The following OVCH1 variants were observed in gnomAD, a reference collection of about 807,000 sequenced individuals.
OVCH1 encodes the protein ovochymase-1.
OVCH1 carries 139 observed loss-of-function variants against 138.4 expected under a neutral mutation model. The ratio of observed to expected loss-of-function variants is 1.00; its 90% CI spans 0.87 to 1.16. The LOEUF (loss-of-function observed/expected upper bound fraction) is 1.16, where lower values mean the gene tolerates loss of function less well. Ranked by LOEUF, OVCH1 falls within the 50% of genes most tolerant of loss-of-function variation. OVCH1 has a pLI of 0.00. For synonymous variants in OVCH1, 453 were observed against 467.8 expected, an observed-to-expected ratio of 0.97 and a Z score of 0.41; for missense variants, 1,367 against 1,357.9, an observed-to-expected ratio of 1.01 and a Z score of -0.11.
At chr12:29,428,171 C>T (rs2135895708) in intron 27 of OVCH1, among the ~76,000 whole-genome samples, 1 of 152,266 alleles carries the variant, frequency 6.6e-6, no homozygotes, top group Non-Finnish European at 1.5e-5. Flanking sequence ...AAATACCACT[C>T]TCCTCCCTCT....
At chr12:29,435,452 C>T (rs556319566) in intron 26 of OVCH1, among the ~76,000 whole-genome samples, 2 of 152,264 alleles carry the variant, frequency 1.3e-5, no homozygotes, top group East Asian at 3.9e-4. Context: ...CCACAAGCTC[C>T]TCCTTCTGGG....
intron 23 of OVCH1, among the ~76,000 whole-genome samples, chr12:29,444,853 ACTTACT>A (rs1278303132): frequency 6.6e-6 from 1 of 152,134 alleles, no homozygotes; most frequent in Non-Finnish European, 1.5e-5. Context: ...TGTTTTCAAA[ACTTACT>A]CTAATCTTTT....
chr12:29,403,206 A>C, the OVCH1 span, among the ~76,000 whole-genome samples: 1 of 152,148 alleles, frequency 6.6e-6, no homozygotes, highest in South Asian at 2.1e-4. Context: ...AAAGTAGCTA[A>C]TTTTCAAACT....
At chr12:29,467,007 C>G (rs886113663) in intron 16 of OVCH1, among the ~76,000 whole-genome samples, 2 of 152,100 alleles carry the variant, frequency 1.3e-5, no homozygotes, top group African/African-American at 4.8e-5. Context: ...CATTTCAATT[C>G]CTTGCATAAT....
chr12:29,475,906 C>T (rs909183141), intron 13 of OVCH1, among the ~76,000 whole-genome samples: 1 of 152,160 alleles, frequency 6.6e-6, no homozygotes, highest in African/African-American at 2.4e-5. Flanking sequence ...GGAATTAATA[C>T]AGAAAGCAGG....
Position 29,476,952 on chromosome 12 carries a change from A to C in OVCH1, c.1377+150T>G, listed in dbSNP as rs181465155. 4.1e-6 allele frequency: 4 copies of C among 963,862 alleles called. No homozygotes were observed. The African/African-American group carries it at 6.6e-5, about 16-fold the overall frequency. 59.7% of individuals were successfully genotyped at this position (963,862 alleles called of 1,614,324 possible). A position where few individuals can be genotyped will look rare whatever the true frequency, so the allele number is the denominator to read the frequency against. On this transcript the variant is annotated intron_variant, in intron 12 of 27. Transcript: ENST00000318184. Reference sequence around the variant, plus strand: ...ACTGAAAGTTTTCAAAACCACTCACAGAGATTTCTTTTCAGAGTAAAAAAA... The same window carrying C: ...ACTGAAAGTTTTCAAAACCACTCACCGAGATTTCTTTTCAGAGTAAAAAAA...
chr12:29,414,650 C>T (rs1941008319), intron 3 of OVCH1, among the ~76,000 whole-genome samples: 1 of 152,116 alleles, frequency 6.6e-6, no homozygotes, highest in Non-Finnish European at 1.5e-5. Flanking sequence ...TAATTTAGAA[C>T]TATGTCAAGA....
At chr12:29,442,711 C>T (rs1324290235) in intron 25 of OVCH1, among the ~76,000 whole-genome samples, 2 of 151,714 alleles carry the variant, frequency 1.3e-5, no homozygotes, top group African/African-American at 4.8e-5. Flanking sequence ...AATCCTTTTC[C>T]TCTCTTTATG....
intron 27 of OVCH1, among the ~76,000 whole-genome samples, chr12:29,430,674 C>T (rs1420882618): frequency 5.3e-5 from 8 of 152,234 alleles, no homozygotes; most frequent in Non-Finnish European, 1.5e-5. Context: ...TCTCCAAAAG[C>T]ACTGAGTCTG....
At position 29,474,061 on chromosome 12, in the gene OVCH1, A is replaced by G. The variant is rs371528758; in HGVS notation, c.1601-958T>C. ...GATCATGTAAGTTAATACTTAATAA[A>G]CACACACACACATACACACACACAC... On this transcript the variant is annotated intron_variant, in intron 14 of 27. Coordinates refer to ENST00000318184, the Ensembl canonical transcript of OVCH1. 6.9e-4 allele frequency among the ~76,000 whole-genome samples: 87 copies of G among 126,240 alleles called. 1 individual carries two copies. The highest frequency in any genetic ancestry group is 2.2e-3 in the African/African-American group (71 of 32,000). 82.8% of individuals were successfully genotyped at this position (126,240 alleles called of 152,430 possible).
At chr12:29,406,957 T>C in the OVCH1 span, among the ~76,000 whole-genome samples, 78 of 146,768 alleles carry the variant, frequency 5.3e-4, no homozygotes, top group Middle Eastern at 3.6e-3. Flanking sequence ...CCACATCCTC[T>C]CCAGCACCTG....
intron 7 of OVCH1, 85 bp downstream of exon 7, chr12:29,487,608 T>C (rs917921456): frequency 5.4e-5 from 70 of 1,306,408 alleles, no homozygotes; most frequent in Non-Finnish European, 7.1e-5. Flanking sequence ...TGCTTTGTTC[T>C]AAAGCTTAGT....
At chr12:29,412,897 GAGTGCAGT>G (rs1319803471) in intron 3 of OVCH1, among the ~76,000 whole-genome samples, 4 of 152,246 alleles carry the variant, frequency 2.6e-5, no homozygotes, top group East Asian at 1.9e-4. Context: ...ATCCAGACTA[GAGTGCAGT>G]AGTGCAGTAG....
exon 4 of OVCH1, chr12:29,495,330 T>C (rs1402544353): frequency 6.2e-7 from 1 of 1,612,994 alleles, no homozygotes; most frequent in African/African-American, 1.3e-5. Context: ...ATATCAGGAC[T>C]CATATATTCA....
At chr12:29,445,974 C>A (rs1941603202) in intron 22 of OVCH1, among the ~76,000 whole-genome samples, 1 of 152,032 alleles carries the variant, frequency 6.6e-6, no homozygotes, top group African/African-American at 2.4e-5. Context: ...CATTTTTTAA[C>A]ATTTATTTAA....
At chr12:29,493,223 C>T (rs1028590676) in intron 4 of OVCH1, among the ~76,000 whole-genome samples, 1 of 152,022 alleles carries the variant, frequency 6.6e-6, no homozygotes, top group Admixed American at 6.6e-5. Flanking sequence ...GAGTTATTCT[C>T]AGTATTTTGA....
At chr12:29,442,346 A>T (rs2135922072) in intron 25 of OVCH1, among the ~76,000 whole-genome samples, 1 of 148,022 alleles carries the variant, frequency 6.8e-6, no homozygotes, top group Admixed American at 6.8e-5. Flanking sequence ...ATTGGAAATC[A>T]TCATTCTCAG....
chr12:29,414,809 T>C (rs1163104220), intron 3 of OVCH1, among the ~76,000 whole-genome samples: 1 of 152,136 alleles, frequency 6.6e-6, no homozygotes, highest in African/African-American at 2.4e-5. Flanking sequence ...AACAATCCAT[T>C]TTCATATGAA....
chr12:29,496,010 A>T (rs1202199953), intron 3 of OVCH1, among the ~76,000 whole-genome samples, 171 bp downstream of exon 3: 1 of 152,210 alleles, frequency 6.6e-6, no homozygotes, highest in Non-Finnish European at 1.5e-5. Flanking sequence ...AAGCACTGGG[A>T]ATCTTGGGAC....
Sources: allele counts gnomAD v4.1 joint callset (sites outside exome capture counted in the v4.1 genomes callset), GRCh38; gene constraint gnomAD v4.1.1; transcripts MANE v1.5; gene names NCBI Gene and HGNC (gene_info 2026-07-23, HGNC 2026-07-21).